The following TRPC6 variants were observed in gnomAD, a reference collection of about 807,000 sequenced individuals.
The protein encoded by TRPC6 is short transient receptor potential channel 6.
Under a neutral mutation model 90.7 loss-of-function variants are expected in TRPC6, and 55 were observed. The observed-to-expected ratio is 0.61, with a 90% CI of 0.49 to 0.76. TRPC6 has a LOEUF of 0.76. Ranked by LOEUF, TRPC6 falls within the 30% of genes least tolerant of loss-of-function variation. The pLI is 0.00. For missense variants in TRPC6, 989 were observed against 1,122.7 expected, an observed-to-expected ratio of 0.88 and a Z score of 1.70; for synonymous variants, 393 against 393.0, an observed-to-expected ratio of 1.00 and a Z score of 0.00.
chr11:101,507,266 C>T (rs2136749691), intron 1 of TRPC6, among the ~76,000 whole-genome samples: 1 of 151,910 alleles, frequency 6.6e-6, no homozygotes, highest in African/African-American at 2.4e-5. Flanking sequence ...ATGACTAATT[C>T]AATCAAACTC....
chr11:101,556,223 G>A (rs1861558030), intron 1 of TRPC6, among the ~76,000 whole-genome samples: 1 of 151,780 alleles, frequency 6.6e-6, no homozygotes. Flanking sequence ...CATTAGAGCA[G>A]AAATAAATGA....
intron 4 of TRPC6, 68 bp downstream of exon 4, chr11:101,488,869 G>T: frequency 8.9e-6 from 14 of 1,575,848 alleles, no homozygotes; most frequent in Non-Finnish European, 1.2e-5. Flanking sequence ...TCACTTTGGA[G>T]ATAAGATTTT....
At chr11:101,496,404 G>A (rs1859950933) in intron 2 of TRPC6, among the ~76,000 whole-genome samples, 2 of 152,184 alleles carry the variant, frequency 1.3e-5, no homozygotes, top group African/African-American at 4.8e-5. Context: ...TGATCATGGA[G>A]CTCTATGGTG....
At chr11:101,491,802 G>T (rs1463913459) in intron 2 of TRPC6, 64 bp from the exon 3 acceptor site, 3 of 1,165,312 alleles carry the variant, frequency 2.6e-6, no homozygotes, top group Non-Finnish European at 3.7e-6. Flanking sequence ...ATGCTTCAGA[G>T]ACTTGAAGGA....
intron 1 of TRPC6, among the ~76,000 whole-genome samples, chr11:101,580,315 G>A (rs1334582245): frequency 6.6e-6 from 1 of 152,094 alleles, no homozygotes. Flanking sequence ...AATGCCTCCT[G>A]GGACCTTGGC....
At chr11:101,483,215 T>C in intron 4 of TRPC6, 50 bp from the exon 5 acceptor site, 2 of 1,591,072 alleles carry the variant, frequency 1.3e-6, no homozygotes, top group Middle Eastern at 3.3e-4. Context: ...TTGTACACTT[T>C]GCAAAACACA....
intron 1 of TRPC6, among the ~76,000 whole-genome samples, chr11:101,561,148 G>T (rs964440196): frequency 6.6e-6 from 1 of 152,030 alleles, no homozygotes; most frequent in Non-Finnish European, 1.5e-5. Flanking sequence ...AATCATTATA[G>T]CACACTGCTG....
At chr11:101,468,928 T>C (rs528751840) in intron 10 of TRPC6, among the ~76,000 whole-genome samples, 1 of 152,298 alleles carries the variant, frequency 6.6e-6, no homozygotes, top group African/African-American at 2.4e-5. Context: ...ATCCTCATCG[T>C]TGAGGATTTT....
chr11:101,469,312 T>C, intron 10 of TRPC6, 115 bp downstream of exon 10: 1 of 653,428 alleles, frequency 1.5e-6, no homozygotes, highest in South Asian at 1.7e-5. Flanking sequence ...AATAGTTGAA[T>C]TATTTAATGG....
chr11:101,460,501 T>C (rs1858980733), intron 10 of TRPC6, among the ~76,000 whole-genome samples: 1 of 152,210 alleles, frequency 6.6e-6, no homozygotes. Flanking sequence ...TTTTGACCTG[T>C]AGTTGGTTGA....
chr11:101,539,977 T>G (rs1034617774), intron 1 of TRPC6, among the ~76,000 whole-genome samples: 1 of 152,250 alleles, frequency 6.6e-6, no homozygotes, highest in Non-Finnish European at 1.5e-5. Flanking sequence ...GTTTTTATTA[T>G]GTAATTAATT....
rs78685448 is a variant in TRPC6, at chr11:101,480,707, T to C, written c.1510+2242A>G. On this transcript the variant is annotated intron_variant, in intron 5 of 12. Coordinates refer to ENST00000344327, the MANE Select transcript of TRPC6 (RefSeq NM_004621.6). The stretch of plus-strand genomic sequence containing the variant: ...TCAGTGAAAAGTTGAATAATAATTG[T>C]AATTATCTGAAATTTCTTGAACATG... Among the ~76,000 whole-genome samples, 1,346 of 152,292 alleles carry C rather than the reference T, an allele frequency of 8.8e-3. 10 individuals are homozygous for C. The highest frequency in any genetic ancestry group is 0.031 in the African/African-American group (1,282 of 41,550).
chr11:101,495,594 T>TATC (rs1859923315), intron 2 of TRPC6, among the ~76,000 whole-genome samples: 2 of 51,512 alleles, frequency 3.9e-5, no homozygotes, highest in Non-Finnish European at 7.8e-5. Context: ...CAATGGTAAT[T>TATC]ATTATTATTA....
intron 1 of TRPC6, among the ~76,000 whole-genome samples, chr11:101,522,316 C>T (rs938035879): frequency 1.3e-5 from 2 of 152,208 alleles, no homozygotes; most frequent in African/African-American, 4.8e-5. Flanking sequence ...TCCCCCTTCA[C>T]TCTCTTCCTC....
At chr11:101,573,430 T>C (rs1305251979) in intron 1 of TRPC6, among the ~76,000 whole-genome samples, 2 of 152,198 alleles carry the variant, frequency 1.3e-5, no homozygotes, top group Non-Finnish European at 2.9e-5. Flanking sequence ...TCTGAACTTC[T>C]TTTTCTGCAT....
chr11:101,551,981 A>G (rs1861460235), intron 1 of TRPC6, among the ~76,000 whole-genome samples: 1 of 152,074 alleles, frequency 6.6e-6, no homozygotes, highest in South Asian at 2.1e-4. Flanking sequence ...TACAAAAATA[A>G]GAATACACTA....
chr11:101,583,263 C>G, intron 1 of TRPC6, 71 bp downstream of exon 1: 3 of 1,514,436 alleles, frequency 2.0e-6, no homozygotes, highest in Non-Finnish European at 2.6e-6. Context: ...ACGGACTCGG[C>G]CACTCCTGCG....
intron 1 of TRPC6, among the ~76,000 whole-genome samples, chr11:101,558,370 CATGTATAT>C (rs1277364068): frequency 9.4e-6 from 1 of 106,824 alleles, no homozygotes; most frequent in Admixed American, 9.3e-5. Flanking sequence ...TATGGGTATA[CATGTATAT>C]ATGTATACAT....
intron 1 of TRPC6, 95 bp downstream of exon 1, chr11:101,583,239 C>A: frequency 6.7e-7 from 1 of 1,486,124 alleles, no homozygotes; most frequent in Non-Finnish European, 8.9e-7. Context: ...CACGCGGGTT[C>A]AGGACGCGCG....
Sources: gnomAD v4.1 joint callset for allele counts (sites outside exome capture counted in the v4.1 genomes callset) on GRCh38, gnomAD v4.1.1 for gene constraint, MANE v1.5 for transcripts, NCBI Gene and HGNC (gene_info 2026-07-23, HGNC 2026-07-21) for gene names.